PAPOLA: variants seen among roughly 807,000 people sequenced by gnomAD.
PAPOLA encodes the protein poly(A) polymerase alpha.
In PAPOLA, 15 loss-of-function variants were observed where a neutral mutation model predicts 100.6. The ratio of observed to expected loss-of-function variants is 0.15; its 90% CI spans 0.10 to 0.23. The LOEUF is 0.23. PAPOLA is among the 10% of genes least tolerant of loss of function. The pLI is 1.00. For missense variants in PAPOLA, 533 were observed against 884.2 expected (o/e 0.60, Z 5.04); for synonymous variants, 293 against 300.0 (o/e 0.98, Z 0.24).
At chr14:96,563,962 G>GTA (rs1902079519) in intron 21 of PAPOLA, among the ~76,000 whole-genome samples, 1 of 151,804 alleles carries the variant, frequency 6.6e-6, no homozygotes, top group Non-Finnish European at 1.5e-5. Flanking sequence ...GTACCCATGG[G>GTA]TATTTGCCTT....
Position 96,537,038 on chromosome 14 carries a change from C to T in PAPOLA, c.1093C>T (p.Pro365Ser). Residue 365 changes from proline (P) to serine (S), a missense_variant, in exon 12 of 22, where the codon CCA (proline) becomes TCA (serine). Around this residue, in one of 9 missense-constraint regions of PAPOLA, gnomAD observed 87 missense variants for 173.3 expected, o/e 0.50. Coordinates refer to ENST00000216277, the MANE Select transcript of PAPOLA (RefSeq NM_032632.5). ...AGAGTGGTCCAAACTTTTTGAAGCT[C>T]CAAACTTCTTTCAAAAGTACAAGTA... Reference protein sequence around the residue: ...KAEWSKLFEAPNFFQKYKHYI... With the variant: ...KAEWSKLFEASNFFQKYKHYI... The T allele has an allele frequency of 6.2e-7, 1 of 1,603,822 alleles. No individual in the cohort carries two copies. The highest frequency in any genetic ancestry group is 8.5e-7 in the Non-Finnish European group (1 of 1,170,702).
intron 12 of PAPOLA, 91 bp downstream of exon 12, chr14:96,537,151 GTTA>G: frequency 1.3e-6 from 1 of 753,468 alleles, no homozygotes; most frequent in Non-Finnish European, 2.3e-6. Flanking sequence ...CTGGACTAAT[GTTA>G]TTGGAAGAAT....
intron 1 of PAPOLA, among the ~76,000 whole-genome samples, chr14:96,515,311 T>C (rs1349642542): frequency 6.6e-6 from 1 of 152,142 alleles, no homozygotes; most frequent in African/African-American, 2.4e-5. Context: ...GGTGTGTTTG[T>C]AGGGGAGGAG....
In PAPOLA at chr14:96,533,127, G is replaced by C. The variant is rs950164667; in HGVS notation, c.836+478G>C. On this transcript the variant is annotated intron_variant, in intron 9 of 21. Transcript: ENST00000216277. The stretch of plus-strand genomic sequence containing the variant: ...CTTTTAAAGAATAAATTAACATTAA[G>C]TGCTTCGGGACAAAAAAGGAATTTG... 59 of 982,590 alleles carry C rather than the reference G, an allele frequency of 6.0e-5. No individual in the cohort carries two copies. The African/African-American group carries it at 9.8e-4, about 16-fold the overall frequency. The allele number at this position is 982,590 out of a possible 1,614,324, so 60.9% of individuals were successfully genotyped here.
intron 3 of PAPOLA, among the ~76,000 whole-genome samples, chr14:96,525,014 C>T (rs1177244945): frequency 6.6e-6 from 1 of 152,152 alleles, no homozygotes; most frequent in Non-Finnish European, 1.5e-5. Context: ...CTAACGTGCT[C>T]CTGTGGGATT....
intron 12 of PAPOLA, chr14:96,537,548 T>C (rs1899642175): frequency 6.4e-6 from 1 of 155,234 alleles, no homozygotes; most frequent in South Asian, 2.0e-4. Context: ...CCCAATGTTA[T>C]AGCCCCTTCA....
chr14:96,508,763 A>G (rs1198572473), intron 1 of PAPOLA, among the ~76,000 whole-genome samples: 1 of 152,174 alleles, frequency 6.6e-6, no homozygotes, highest in African/African-American at 2.4e-5. Flanking sequence ...TTTATTCTGT[A>G]TGTTCAGGGT....
intron 15 of PAPOLA, among the ~76,000 whole-genome samples, chr14:96,545,979 A>G (rs1900366474): frequency 6.6e-6 from 1 of 152,156 alleles, no homozygotes; most frequent in Non-Finnish European, 1.5e-5. Flanking sequence ...AAGATTTTCA[A>G]GGATGTTTTA....
intron 10 of PAPOLA, chr14:96,535,219 T>C: frequency 1.1e-6 from 1 of 909,556 alleles, no homozygotes; most frequent in Non-Finnish European, 1.3e-6. Context: ...TTTTTCTAAA[T>C]TATTACAATA....
chr14:96,502,694 G>C (rs1896375076), intron 1 of PAPOLA, 94 bp downstream of exon 1: 1 of 1,396,626 alleles, frequency 7.2e-7, no homozygotes, highest in Non-Finnish European at 9.6e-7. Context: ...GGTGGCACGC[G>C]AGCCCGACCC....
intron 1 of PAPOLA, among the ~76,000 whole-genome samples, chr14:96,517,604 T>TG (rs1366451667): frequency 6.6e-6 from 1 of 152,130 alleles, no homozygotes; most frequent in Non-Finnish European, 1.5e-5. Flanking sequence ...CAAGACATTA[T>TG]GAATTCAGTT....
At chr14:96,518,295 A>G (rs1480602445) in intron 1 of PAPOLA, among the ~76,000 whole-genome samples, 1 of 152,264 alleles carries the variant, frequency 6.6e-6, no homozygotes, top group Non-Finnish European at 1.5e-5. Flanking sequence ...ATCACAAGAC[A>G]AATTACAGAA....
In PAPOLA at chr14:96,520,239, A is replaced by G; in HGVS notation, c.182+11A>G. 1 of 1,583,152 alleles carries G rather than the reference A, an allele frequency of 6.3e-7. No homozygotes were observed. Among genetic ancestry groups the G allele is most frequent in the Non-Finnish European group, 8.6e-7 (1 of 1,165,790 alleles). ...GGAACTGCAGCGCAGGTAAATAGAT[A>G]TTCTATATTTTTTTAACTCGGAAAC... On this transcript the variant is annotated intron_variant, in intron 2 of 21. Coordinates refer to ENST00000216277, the MANE Select transcript of PAPOLA (RefSeq NM_032632.5).
chr14:96,510,551 TGTA>T (rs1897045408), intron 1 of PAPOLA, among the ~76,000 whole-genome samples: 1 of 152,200 alleles, frequency 6.6e-6, no homozygotes, highest in Non-Finnish European at 1.5e-5. Context: ...ACTTGGCCAT[TGTA>T]GTAATTGAAC....
chr14:96,520,281 A>G lies in PAPOLA; in HGVS notation c.182+53A>G, dbSNP rs539368689. 11 of 1,403,566 alleles carry G rather than the reference A, an allele frequency of 7.8e-6. No homozygotes were observed. The East Asian group carries it at 1.2e-4, about 15-fold the overall frequency. 86.9% of individuals were successfully genotyped at this position (1,403,566 alleles called of 1,614,324 possible). On this transcript the variant is annotated intron_variant, in intron 2 of 21. Transcript: ENST00000216277. The stretch of plus-strand genomic sequence containing the variant: ...CTCGGAAACTTTTATTAATGTTGAC[A>G]TAAACTAATTTTGAGGCATTCTCTA...
chr14:96,532,199 T>A, intron 7 of PAPOLA, 132 bp from the exon 8 acceptor site: 2 of 1,410,066 alleles, frequency 1.4e-6, no homozygotes, highest in Admixed American at 3.3e-5. Flanking sequence ...TTATGTTTAC[T>A]TTTAACTTCA....
At chr14:96,524,823 A>T (rs768707246) in intron 3 of PAPOLA, among the ~76,000 whole-genome samples, 1 of 152,164 alleles carries the variant, frequency 6.6e-6, no homozygotes, top group African/African-American at 2.4e-5. Flanking sequence ...TGTGGCTACT[A>T]TTGGCTTTCA....
chr14:96,528,011 G>T lies in PAPOLA; in HGVS notation c.495+5G>T. 1 of 1,582,296 alleles carries T rather than the reference G, an allele frequency of 6.3e-7. No homozygotes were observed. Among genetic ancestry groups the T allele is most frequent in the Admixed American group, 1.7e-5 (1 of 59,948 alleles). On this transcript the variant is annotated splice_donor_5th_base_variant and intron_variant, in intron 6 of 21. Transcript: ENST00000216277. ...CTCTGTTTTGATGGGATAGAGGTAA[G>T]GTATAGTTCAAATTGACAGTTCTTG...
intron 6 of PAPOLA, among the ~76,000 whole-genome samples, chr14:96,530,019 A>G (rs1273764072): frequency 1.3e-5 from 2 of 152,258 alleles, no homozygotes. Context: ...AAGTTCTCAG[A>G]TATAATGGAA....
Sources: gnomAD v4.1 joint callset for allele counts (sites outside exome capture counted in the v4.1 genomes callset) on GRCh38, gnomAD v4.1.1 for gene constraint, gnomAD v4.1.1 regional missense constraint, MANE v1.5 for transcripts, NCBI Gene and HGNC (gene_info 2026-07-23, HGNC 2026-07-21) for gene names.